The following PCID2 variants were observed in gnomAD, a reference collection of about 807,000 sequenced individuals.
The protein encoded by PCID2 is PCI domain-containing protein 2.
PCID2 carries 41 observed loss-of-function variants against 61.3 expected under a neutral mutation model. That is an observed-to-expected ratio of 0.67 (90% CI 0.52 to 0.87). The LOEUF (loss-of-function observed/expected upper bound fraction) is 0.87, where lower values mean the gene tolerates loss of function less well. PCID2 is among the 40% of genes least tolerant of loss of function. The pLI is 0.00. For missense variants in PCID2, 392 were observed against 493.4 expected (o/e 0.79, Z 1.95); for synonymous variants, 187 against 177.8 (o/e 1.05, Z -0.41).
the PCID2 span, chr13:113,166,212 T>TAA: frequency 2.0e-5 from 3 of 152,252 alleles, no homozygotes; most frequent in African/African-American, 7.2e-5. Context: ...ATAATGTAAG[T>TAA]AAAAGCATGT....
At chr13:113,171,677 G>C in the PCID2 span, 6 of 1,613,914 alleles carry the variant, frequency 3.7e-6, no homozygotes, top group Non-Finnish European at 5.1e-6. This position sits in a 1 kb window ranked among gnomAD's most constrained non-coding sequence, Gnocchi z 5.1. Flanking sequence ...GGACGCGGGG[G>C]AGAATGACCT....
intron 6 of PCID2, among the ~76,000 whole-genome samples, chr13:113,191,913 GCAAT>G (rs971406733): frequency 1.3e-5 from 2 of 152,088 alleles, no homozygotes; most frequent in Non-Finnish European, 2.9e-5. Context: ...CAGACACTCT[GCAAT>G]CAATCAGTCA....
chr13:113,203,599 G>A (rs2039589931), intron 1 of PCID2, among the ~76,000 whole-genome samples: 1 of 152,158 alleles, frequency 6.6e-6, no homozygotes, highest in African/African-American at 2.4e-5. Flanking sequence ...GCCCCAAGAA[G>A]ACAACACTGG....
At chr13:113,195,650 G>C (rs1595230536) in intron 5 of PCID2, among the ~76,000 whole-genome samples, 1 of 151,480 alleles carries the variant, frequency 6.6e-6, no homozygotes, top group African/African-American at 2.4e-5. Context: ...CTCGGCGACT[G>C]AGCAAGACTC....
At chr13:113,167,179 T>C in the PCID2 span, among the ~76,000 whole-genome samples, 3 of 152,208 alleles carry the variant, frequency 2.0e-5, no homozygotes, top group African/African-American at 7.2e-5. Flanking sequence ...GAAGTATCAC[T>C]AAAAGTCTGG....
At chr13:113,206,439 T>C (rs2039830720) in intron 1 of PCID2, among the ~76,000 whole-genome samples, 1 of 152,174 alleles carries the variant, frequency 6.6e-6, no homozygotes, top group African/African-American at 2.4e-5. Context: ...AAAGAAGGGA[T>C]GGATCTGAGA....
At chr13:113,183,412 C>T (rs1009393404) in intron 9 of PCID2, among the ~76,000 whole-genome samples, 1 of 151,896 alleles carries the variant, frequency 6.6e-6, no homozygotes. Flanking sequence ...AGCTTCTCTA[C>T]CTTTATGCTT....
rs1468122816 is a variant in PCID2 at position 113,208,666 on chromosome 13, C to T, written c.-32G>A. The T allele has an allele frequency of 3.8e-6, 6 of 1,597,426 alleles. No homozygotes were observed. The South Asian group carries it at 4.5e-5, about 12-fold the overall frequency. On this transcript the variant is annotated 5_prime_UTR_variant, in exon 1 of 14. Transcript: ENST00000337344. ...GCCGCCGAACGGAGAGCGCCACCCC[C>T]TACGCCTCAAGCGGGCCAGCTGGCG...
chr13:113,168,869 T>C, the PCID2 span, among the ~76,000 whole-genome samples: 13 of 152,136 alleles, frequency 8.5e-5, no homozygotes, highest in East Asian at 5.8e-4. Flanking sequence ...GCTGGGACCA[T>C]AGGTGTGCAC....
intron 1 of PCID2, among the ~76,000 whole-genome samples, chr13:113,204,234 G>C (rs2039636659): frequency 6.6e-6 from 1 of 152,258 alleles, no homozygotes; most frequent in Admixed American, 6.5e-5. Context: ...TCAGTACTCT[G>C]GTGACAGGTC....
chr13:113,208,138 T>G (rs1381881714), intron 1 of PCID2: 1 of 1,605,162 alleles, frequency 6.2e-7, no homozygotes, highest in African/African-American at 1.3e-5. Flanking sequence ...GAGCCCGGCC[T>G]GCAGCACGGC....
At chr13:113,202,001 C>G (rs1230086425) in intron 1 of PCID2, among the ~76,000 whole-genome samples, 1 of 152,020 alleles carries the variant, frequency 6.6e-6, no homozygotes, top group Non-Finnish European at 1.5e-5. Flanking sequence ...AGATGAGATC[C>G]CTCTACACAC....
At chr13:113,166,835 T>C in the PCID2 span, among the ~76,000 whole-genome samples, 2 of 152,142 alleles carry the variant, frequency 1.3e-5, no homozygotes, top group Non-Finnish European at 2.9e-5. Flanking sequence ...ACCTGCAGGC[T>C]GTCTCCAGCT....
At chr13:113,203,199 T>G (rs2039560515) in intron 1 of PCID2, among the ~76,000 whole-genome samples, 1 of 152,228 alleles carries the variant, frequency 6.6e-6, no homozygotes, top group African/African-American at 2.4e-5. Context: ...GGAACTTAAC[T>G]TTATCTTCAG....
At position 113,181,615 on chromosome 13, in the gene PCID2, A is replaced by G. The variant is rs549898547; in HGVS notation, c.686-385T>C. 2.1e-3 allele frequency among the ~76,000 whole-genome samples: 326 copies of G among 152,356 alleles called. 1 individual carries two copies. The highest frequency in any genetic ancestry group is 7.3e-3 in the African/African-American group (304 of 41,578). On this transcript the variant is annotated intron_variant, in intron 9 of 13. Coordinates refer to ENST00000337344, the MANE Select transcript of PCID2 (RefSeq NM_001127202.4). ...ATTTAAAAATGTACCTCCACAATACATTTTAATCACCCATAATTAAACAAT... is the reference window on the plus strand; with the variant it reads ...ATTTAAAAATGTACCTCCACAATACGTTTTAATCACCCATAATTAAACAAT...
In PCID2 at chr13:113,179,833, T is replaced by C. The variant is rs948399745; in HGVS notation, c.986+84A>G. The C allele has an allele frequency of 7.2e-7, 1 of 1,392,292 alleles. No homozygotes were observed. Among genetic ancestry groups the C allele is most frequent in the Non-Finnish European group, 9.8e-7 (1 of 1,017,068 alleles). The allele number at this position is 1,392,292 out of a possible 1,614,324, so 86.2% of individuals were successfully genotyped here. On this transcript the variant is annotated intron_variant, in intron 12 of 13. Transcript: ENST00000337344. The surrounding 1 kb of genome is among the most constrained non-coding windows in gnomAD (Gnocchi z 4.3). The stretch of plus-strand genomic sequence containing the variant: ...CGACCCCACCCACACGGTGGCCTTC[T>C]CTCTTAGACTGCAACAGCCCTGGAT...
Position 113,190,876 on chromosome 13 carries a change from C to T in PCID2, c.463G>A (p.Asp155Asn), listed in dbSNP as rs1299804093. The change falls in exon 7 of 14, where the codon GAC becomes AAC. Residue 155 changes from aspartate (D) to asparagine (N), a missense_variant. Physicochemically the swap from Asp to Asn is conservative, Grantham distance 23. Around this residue, in one of 3 missense-constraint regions of PCID2, gnomAD observed 11 missense variants for 32.0 expected, o/e 0.34. Coordinates refer to ENST00000337344, the MANE Select transcript of PCID2 (RefSeq NM_001127202.4). ...LMSCFRVCAS[D>N]TRAGIEDSKK... The stretch of plus-strand genomic sequence containing the variant: ...GGTCCTCAAGTCCTTACTCACGTGT[C>T]GCTGGCACAGACCCGGAAACAGCTC... 1.9e-6 allele frequency: 3 copies of T among 1,607,242 alleles called. No homozygotes were observed. The highest frequency in any genetic ancestry group is 1.7e-5 in the Admixed American group (1 of 59,662).
chr13:113,185,718 C>T (rs2038050919), intron 7 of PCID2, 158 bp from the exon 8 acceptor site: 2 of 493,434 alleles, frequency 4.1e-6, no homozygotes, highest in East Asian at 6.0e-5. Flanking sequence ...ATTCATCAAA[C>T]AAAATAACAT....
chr13:113,186,930 C>G (rs2038167238), intron 7 of PCID2: 1 of 152,210 alleles, frequency 6.6e-6, no homozygotes. Flanking sequence ...CATAAAATTA[C>G]TCTTAAAGAC....
Sources: gnomAD v4.1 joint callset for allele counts (sites outside exome capture counted in the v4.1 genomes callset) on GRCh38, gnomAD v4.1.1 for gene constraint, gnomAD v4.1.1 regional missense constraint, Gnocchi (gnomAD v3.1) non-coding constraint, MANE v1.5 for transcripts, NCBI Gene and HGNC (gene_info 2026-07-23, HGNC 2026-07-21) for gene names.